Variants in SOX6 observed in about 807,000 individuals in gnomAD.
SOX6 encodes SRY-box transcription factor 6.
SOX6 carries 11 observed loss-of-function variants against 97.8 expected under a neutral mutation model. The observed-to-expected ratio is 0.11, with a 90% CI of 0.07 to 0.19. The LOEUF (loss-of-function observed/expected upper bound fraction) is 0.19, where lower values mean the gene tolerates loss of function less well. SOX6 is among the 10% of genes least tolerant of loss of function. The pLI, the probability that SOX6 is intolerant of heterozygous loss-of-function variation, is 1.00. For missense variants in SOX6, 810 were observed against 1,039.5 expected (o/e 0.78, Z 3.04); for synonymous variants, 360 against 371.4 (o/e 0.97, Z 0.35).
rs1848329254 is a variant in SOX6 at position 16,605,965 on chromosome 11, T to C, written n.609+6116A>G. 1 of 152,262 alleles carries C rather than the reference T, an allele frequency of 6.6e-6. No homozygotes were observed. Among genetic ancestry groups the C allele is most frequent in the African/African-American group, 2.4e-5 (1 of 41,452 alleles). The allele number at this position is 152,262 out of a possible 1,614,324, so 9.4% of individuals were successfully genotyped here. On this transcript the variant is annotated intron_variant and non_coding_transcript_variant, in intron 4 of 5. Coordinates refer to the SOX6 transcript ENST00000524520. This position sits in a 1 kb window ranked among gnomAD's most constrained non-coding sequence, Gnocchi z 5.3. ...GTCGGCTCGCAAGGGAAGCCCGTTT[T>C]GTCCAGGTTGGATATTGTCTACGTA...
At chr11:16,012,014 A>C (rs572924744) in intron 13 of SOX6, among the ~76,000 whole-genome samples, 1 of 152,050 alleles carries the variant, frequency 6.6e-6, no homozygotes, top group African/African-American at 2.4e-5. Context: ...AAAGAGGTCA[A>C]GGACATCTCT....
chr11:16,680,072 A>G lies in SOX6; in HGVS notation n.429+34758T>C, dbSNP rs564269513. ...TCCAGGAGAACTTCCCCAACCTAGC[A>G]AGGCAGGCCAACATTCAAATGCAGG... On this transcript the variant is annotated intron_variant and non_coding_transcript_variant, in intron 3 of 5. Transcript: ENST00000524520. Among the ~76,000 whole-genome samples the G allele has an allele frequency of 2.6e-5, 4 of 152,324 alleles. No homozygotes were observed. In the East Asian group the frequency reaches 7.7e-4, roughly 29 times the overall value.
At chr11:16,351,047 G>T (rs1192434986) in intron 1 of SOX6, among the ~76,000 whole-genome samples, 1 of 152,008 alleles carries the variant, frequency 6.6e-6, no homozygotes, top group Non-Finnish European at 1.5e-5. Context: ...TAAGTCATAA[G>T]ATTATTATAT....
intron 4 of SOX6, among the ~76,000 whole-genome samples, chr11:16,500,820 A>C (rs189598875): frequency 1.9e-4 from 29 of 152,322 alleles, no homozygotes; most frequent in Non-Finnish European, 3.5e-4. Flanking sequence ...GGATACAAAC[A>C]AATGGAAGAA....
intron 4 of SOX6, among the ~76,000 whole-genome samples, chr11:16,600,694 T>C (rs1848258028): frequency 1.3e-5 from 2 of 152,354 alleles, no homozygotes; most frequent in African/African-American, 4.8e-5. Flanking sequence ...CCAGTTTGTT[T>C]AAATGTCTAA....
intron 3 of SOX6, among the ~76,000 whole-genome samples, chr11:16,654,894 G>A (rs1462149924): frequency 3.9e-5 from 6 of 152,234 alleles, no homozygotes; most frequent in Admixed American, 3.9e-4. Flanking sequence ...AGACCCTGCT[G>A]AAGGGGCCTT....
At chr11:16,039,764 T>C (rs1211319986) in intron 12 of SOX6, among the ~76,000 whole-genome samples, 1 of 152,094 alleles carries the variant, frequency 6.6e-6, no homozygotes, top group East Asian at 1.9e-4. Flanking sequence ...TGATTTGTTA[T>C]TGTTATCTTA....
chr11:16,566,581 G>A (rs986347798), intron 4 of SOX6, among the ~76,000 whole-genome samples: 4 of 152,220 alleles, frequency 2.6e-5, no homozygotes, highest in Admixed American at 2.6e-4. Context: ...TTGCCCTATG[G>A]TTTTCAGAGA....
intron 9 of SOX6, among the ~76,000 whole-genome samples, chr11:16,092,072 C>T (rs1375280097): frequency 6.6e-6 from 1 of 152,082 alleles, no homozygotes; most frequent in South Asian, 2.1e-4. Flanking sequence ...GGAATAACTG[C>T]TGACAGTCGC....
At chr11:16,350,117 G>T (rs564036479) in intron 1 of SOX6, among the ~76,000 whole-genome samples, 95 of 152,338 alleles carry the variant, frequency 6.2e-4, no homozygotes, top group African/African-American at 2.1e-3. Context: ...TCCTGAGCTT[G>T]AATCTTAGAA....
At chr11:16,340,933 T>C in intron 2 of SOX6, 79 bp downstream of exon 2, 3 of 1,592,760 alleles carry the variant, frequency 1.9e-6, no homozygotes, top group South Asian at 2.2e-5. Context: ...AGGTCATCTA[T>C]TTCCCTAAAA....
intron 4 of SOX6, among the ~76,000 whole-genome samples, chr11:16,509,422 A>C (rs1302807657): frequency 6.6e-6 from 1 of 152,080 alleles, no homozygotes; most frequent in Non-Finnish European, 1.5e-5. Context: ...CCCTCGAGTC[A>C]GTACAACTGA....
At chr11:16,181,590 A>G (rs1851349471) in intron 6 of SOX6, among the ~76,000 whole-genome samples, 1 of 151,382 alleles carries the variant, frequency 6.6e-6, no homozygotes, top group Admixed American at 6.6e-5. Flanking sequence ...TCTGAATGTC[A>G]AATACCTGTT....
intron 4 of SOX6, among the ~76,000 whole-genome samples, chr11:16,549,140 C>T (rs1565177940): frequency 6.6e-6 from 1 of 152,042 alleles, no homozygotes; most frequent in Non-Finnish European, 1.5e-5. Context: ...TAATGAGATA[C>T]AGTACTAATA....
At chr11:16,709,973 T>C (rs1265599583) in intron 3 of SOX6, among the ~76,000 whole-genome samples, 1 of 152,254 alleles carries the variant, frequency 6.6e-6, no homozygotes, top group Non-Finnish European at 1.5e-5. Flanking sequence ...ATAATTTTTG[T>C]ATAATCTATA....
At chr11:16,414,017 A>C (rs1202804420) in intron 1 of SOX6, among the ~76,000 whole-genome samples, 1 of 152,210 alleles carries the variant, frequency 6.6e-6, no homozygotes, top group Non-Finnish European at 1.5e-5. Flanking sequence ...GGTACCAAAA[A>C]CAATATTCAT....
chr11:16,456,581 C>T (rs951689468), intron 1 of SOX6, among the ~76,000 whole-genome samples: 4 of 152,034 alleles, frequency 2.6e-5, no homozygotes, highest in African/African-American at 7.2e-5. Flanking sequence ...ACTCGAGATA[C>T]CAGGCAGATG....
chr11:16,074,078 GA>G (rs1324084413), intron 9 of SOX6, among the ~76,000 whole-genome samples: 1 of 152,028 alleles, frequency 6.6e-6, no homozygotes, highest in Non-Finnish European at 1.5e-5. Context: ...AAAACTACCA[GA>G]AGACAAGAAA....
chr11:16,295,531 C>T (rs1010535655), intron 3 of SOX6, among the ~76,000 whole-genome samples: 2 of 152,130 alleles, frequency 1.3e-5, no homozygotes, highest in South Asian at 4.1e-4. Context: ...AGGTATAATT[C>T]TTACCTGGAC....
Sources: allele counts gnomAD v4.1 joint callset (sites outside exome capture counted in the v4.1 genomes callset), GRCh38; gene constraint gnomAD v4.1.1; non-coding constraint Gnocchi (gnomAD v3.1); transcripts MANE v1.5; gene names NCBI Gene and HGNC (gene_info 2026-07-23, HGNC 2026-07-21).